Variants in ITGA8 observed in about 807,000 individuals in gnomAD.
ITGA8 encodes integrin alpha-8.
A neutral mutation model predicts 142.3 loss-of-function variants in ITGA8; 91 were observed. The observed-to-expected ratio is 0.64, with a 90% CI of 0.54 to 0.76. The LOEUF (loss-of-function observed/expected upper bound fraction) is 0.76. Ranked by LOEUF, ITGA8 falls within the 30% of genes least tolerant of loss-of-function variation. The probability of loss-of-function intolerance (pLI) is 0.00; values close to 1 mark genes in which losing one functional copy is unlikely to be tolerated. For synonymous variants in ITGA8, 505 were observed against 485.2 expected (o/e 1.04, Z -0.54); for missense variants, 1,406 against 1,327.7 (o/e 1.06, Z -0.92).
chr10:15,622,103 A>G (rs1223652295), intron 13 of ITGA8, among the ~76,000 whole-genome samples: 1 of 152,190 alleles, frequency 6.6e-6, no homozygotes, highest in African/African-American at 2.4e-5. Flanking sequence ...GGTTGCAGTC[A>G]GCGAGATCAT....
At chr10:15,666,042 C>G (rs1190661009) in intron 8 of ITGA8, among the ~76,000 whole-genome samples, 2 of 152,100 alleles carry the variant, frequency 1.3e-5, no homozygotes, top group African/African-American at 4.8e-5. Context: ...AGTTTTTTTC[C>G]AATTCTGTGA....
chr10:15,565,573 ATTTTTTTTTTTTTTTTTTTT>A (rs71374633), intron 25 of ITGA8, among the ~76,000 whole-genome samples: 6 of 34,766 alleles, frequency 1.7e-4, no homozygotes, highest in Admixed American at 5.7e-4. Context: ...TCATGTCCTG[ATTTTTTTTTTTTTTTTTTTT>A]TTTTTTTTTT....
At position 15,647,030 on chromosome 10, in the gene ITGA8, C is replaced by A. The variant is rs1382419043; in HGVS notation, c.1023G>T (p.Gly341=). 6.2e-7 allele frequency: 1 copy of A among 1,613,262 alleles called. No homozygotes were observed. Among genetic ancestry groups the A allele is most frequent in the Non-Finnish European group, 8.5e-7 (1 of 1,179,968 alleles). ...ATTCACGTTCCATAAAGAGAGGTGC[C>A]CCAACCAGGACATCATCCAGTCTGT... ...NSDGLDDVLV[G]APLFMEREFE... Residue 341 remains glycine, a synonymous_variant, in exon 12 of 30, where the codon GGG becomes GGT. Transcript: ENST00000378076.
At chr10:15,617,586 A>G (rs1833417836) in intron 13 of ITGA8, among the ~76,000 whole-genome samples, 1 of 152,010 alleles carries the variant, frequency 6.6e-6, no homozygotes, top group Non-Finnish European at 1.5e-5. Flanking sequence ...TTTTTGGTAG[A>G]GACGGGGTTT....
At chr10:15,544,787 A>G (rs1222117985) in intron 27 of ITGA8, among the ~76,000 whole-genome samples, 7 of 152,242 alleles carry the variant, frequency 4.6e-5, no homozygotes, top group Admixed American at 3.3e-4. Context: ...GAAATAACAG[A>G]AAGTGGCTTC....
chr10:15,688,822 A>C (rs527678694), intron 2 of ITGA8, among the ~76,000 whole-genome samples: 1 of 152,342 alleles, frequency 6.6e-6, no homozygotes, highest in East Asian at 1.9e-4. Flanking sequence ...AAACTCTTTA[A>C]AAGTTAGTTA....
intron 27 of ITGA8, among the ~76,000 whole-genome samples, chr10:15,535,574 T>C (rs1394505082): frequency 5.9e-5 from 9 of 152,150 alleles, no homozygotes; most frequent in Non-Finnish European, 8.8e-5. Context: ...TGGTGGGGAC[T>C]TGGAGAACCT....
intron 13 of ITGA8, among the ~76,000 whole-genome samples, chr10:15,617,736 T>C (rs1263634529): frequency 6.6e-6 from 1 of 152,172 alleles, no homozygotes. Flanking sequence ...CTGTCCCTAG[T>C]AGAAGCAATC....
At chr10:15,674,227 G>A (rs1834584325) in intron 6 of ITGA8, among the ~76,000 whole-genome samples, 1 of 152,136 alleles carries the variant, frequency 6.6e-6, no homozygotes, top group Admixed American at 6.5e-5. Context: ...AGTTGTCTCT[G>A]GGTTACAGCT....
intron 27 of ITGA8, 120 bp from the exon 28 acceptor site, chr10:15,531,271 T>A: frequency 4.0e-6 from 2 of 502,380 alleles, no homozygotes; most frequent in Non-Finnish European, 6.8e-6. Context: ...CCTTCCTTTT[T>A]AATTTTCTCT....
At chr10:15,540,941 A>G (rs1216398102) in intron 27 of ITGA8, among the ~76,000 whole-genome samples, 1 of 152,248 alleles carries the variant, frequency 6.6e-6, no homozygotes, top group Non-Finnish European at 1.5e-5. Flanking sequence ...ACAGCCCAGA[A>G]GTTATTGCCC....
intron 13 of ITGA8, among the ~76,000 whole-genome samples, chr10:15,620,123 C>T (rs1277088756): frequency 4.6e-5 from 7 of 152,170 alleles, no homozygotes; most frequent in Admixed American, 3.9e-4. Context: ...TGCATGTTAC[C>T]AGGCACAGTG....
chr10:15,592,971 C>T (rs755639905), intron 21 of ITGA8, among the ~76,000 whole-genome samples: 13 of 152,252 alleles, frequency 8.5e-5, no homozygotes, highest in South Asian at 6.2e-4. Flanking sequence ...GTGAAGTCAA[C>T]GCAACAATAT....
chr10:15,697,263 G>GT (rs1315437284), intron 2 of ITGA8, among the ~76,000 whole-genome samples: 2 of 152,082 alleles, frequency 1.3e-5, no homozygotes, highest in African/African-American at 4.8e-5. Context: ...CTTTTCTGAG[G>GT]TTTTTTAAAA....
At chr10:15,645,898 C>T (rs750228208) in intron 12 of ITGA8, among the ~76,000 whole-genome samples, 5 of 152,092 alleles carry the variant, frequency 3.3e-5, no homozygotes, top group Non-Finnish European at 5.9e-5. Flanking sequence ...GAACTACAAG[C>T]CTAACCTACG....
intron 25 of ITGA8, among the ~76,000 whole-genome samples, chr10:15,564,450 C>A (rs1264234145): frequency 6.6e-6 from 1 of 152,186 alleles, no homozygotes. Context: ...TCATTAAGTG[C>A]TAGGAGAAGC....
At chr10:15,690,057 G>A (rs1834904283) in intron 2 of ITGA8, among the ~76,000 whole-genome samples, 3 of 152,004 alleles carry the variant, frequency 2.0e-5, no homozygotes, top group South Asian at 4.2e-4. Flanking sequence ...CACCCTCTCC[G>A]GGAAACTTAG....
intron 14 of ITGA8, among the ~76,000 whole-genome samples, chr10:15,614,070 CAATATTGCTGTGA>C (rs1233107629): frequency 6.6e-6 from 1 of 152,178 alleles, no homozygotes; most frequent in African/African-American, 2.4e-5. Flanking sequence ...GGTATTATGG[CAATATTGCTGTGA>C]AATATTGCTC....
chr10:15,538,113 C>T (rs925478893), intron 27 of ITGA8, among the ~76,000 whole-genome samples: 1 of 152,064 alleles, frequency 6.6e-6, no homozygotes, highest in African/African-American at 2.4e-5. Context: ...CAGAGTAAGA[C>T]CCTGTTTCTA....
Sources: allele counts gnomAD v4.1 joint callset (sites outside exome capture counted in the v4.1 genomes callset), GRCh38; gene constraint gnomAD v4.1.1; transcripts MANE v1.5; gene names NCBI Gene and HGNC (gene_info 2026-07-23, HGNC 2026-07-21).